The following PTDSS1 variants were observed in gnomAD, a reference collection of about 807,000 sequenced individuals.
PTDSS1 encodes phosphatidylserine synthase 1.
In PTDSS1, 45 loss-of-function variants were observed where a neutral mutation model predicts 70.5. That is an observed-to-expected ratio of 0.64 (90% confidence interval 0.50 to 0.82). The LOEUF is 0.82. Among genes scored for constraint, PTDSS1 ranks in the 40% least tolerant of loss-of-function variants. PTDSS1 has a pLI of 0.00. For missense variants in PTDSS1, 417 were observed against 586.1 expected (o/e 0.71, Z 2.98); for synonymous variants, 188 against 203.8 (o/e 0.92, Z 0.66).
chr8:96,302,022 TG>T (rs1239615222), intron 6 of PTDSS1, among the ~76,000 whole-genome samples: 4 of 152,132 alleles, frequency 2.6e-5, no homozygotes, highest in Non-Finnish European at 5.9e-5. Flanking sequence ...CTAATTTTTA[TG>T]TATTTGTTTT....
intron 4 of PTDSS1, among the ~76,000 whole-genome samples, chr8:96,291,452 C>CT (rs200644968): frequency 0.053 from 6,563 of 123,546 alleles, 317 homozygotes; most frequent in African/African-American, 0.14. Context: ...ATGGGCTTTT[C>CT]TTTTTTTTTT....
chr8:96,326,684 TGTA>T, intron 10 of PTDSS1, among the ~76,000 whole-genome samples: 1 of 152,306 alleles, frequency 6.6e-6, no homozygotes, highest in Non-Finnish European at 1.5e-5. Context: ...TTTGTGCGGC[TGTA>T]GTTGCAGCCC....
chr8:96,263,120 T>C (rs547753726), intron 1 of PTDSS1, among the ~76,000 whole-genome samples: 1 of 152,322 alleles, frequency 6.6e-6, no homozygotes, highest in East Asian at 1.9e-4. Context: ...ACAACTCTCT[T>C]ATTCCCTGGA....
intron 3 of PTDSS1, 57 bp from the exon 4 acceptor site, chr8:96,286,963 TTG>T: frequency 6.3e-7 from 1 of 1,599,224 alleles, no homozygotes; most frequent in Non-Finnish European, 8.6e-7. Context: ...CTAATGTGTA[TTG>T]TGTGTGTCTG....
chr8:96,281,983 C>T (rs548968336), intron 2 of PTDSS1, among the ~76,000 whole-genome samples: 1 of 152,274 alleles, frequency 6.6e-6, no homozygotes, highest in South Asian at 2.1e-4. Context: ...GTACTGCTGA[C>T]TCCTGTCGTT....
At chr8:96,266,369 C>G (rs1163520074) in intron 1 of PTDSS1, among the ~76,000 whole-genome samples, 2 of 152,230 alleles carry the variant, frequency 1.3e-5, no homozygotes, top group African/African-American at 2.4e-5. Flanking sequence ...GGGAAATGGA[C>G]AGACTGATTG....
At chr8:96,318,733 G>A (rs920999305) in intron 9 of PTDSS1, among the ~76,000 whole-genome samples, 1 of 152,048 alleles carries the variant, frequency 6.6e-6, no homozygotes, top group Non-Finnish European at 1.5e-5. Flanking sequence ...ACTCTCTAAA[G>A]ACAAATTGAG....
intron 3 of PTDSS1, 90 bp from the exon 4 acceptor site, chr8:96,286,932 T>G (rs1586190065): frequency 1.9e-4 from 282 of 1,506,740 alleles, no homozygotes; most frequent in African/African-American, 2.7e-5. Flanking sequence ...TAGTGTCTGG[T>G]TTTGGCAATG....
intron 9 of PTDSS1, among the ~76,000 whole-genome samples, chr8:96,312,367 T>C (rs770813168): frequency 5.3e-5 from 8 of 152,044 alleles, no homozygotes; most frequent in Non-Finnish European, 7.4e-5. Flanking sequence ...GGAGGATCAC[T>C]TGAACCCAGG....
rs111321433 is a variant in PTDSS1, at chr8:96,262,657, G to C, written c.179+438G>C. On this transcript the variant is annotated intron_variant, in intron 1 of 12. Transcript: ENST00000517309. This position sits in a 1 kb window ranked among gnomAD's most constrained non-coding sequence, Gnocchi z 4.4. ...CATACAAAGCACCCCAATCCACAGC[G>C]CCTGCAGGCACCATACACAGGCCCA... Among the ~76,000 whole-genome samples the C allele has an allele frequency of 6.6e-6, 1 of 152,092 alleles. No homozygotes were observed. Among genetic ancestry groups the C allele is most frequent in the Non-Finnish European group, 1.5e-5 (1 of 68,026 alleles).
intron 2 of PTDSS1, among the ~76,000 whole-genome samples, chr8:96,279,456 T>A (rs1383013815): frequency 3.2e-4 from 45 of 141,266 alleles, no homozygotes; most frequent in East Asian, 8.1e-4. Context: ...CTTCTAAATT[T>A]AAAAAAAAAA....
intron 10 of PTDSS1, among the ~76,000 whole-genome samples, chr8:96,323,595 C>T (rs1313655068): frequency 6.6e-6 from 1 of 152,200 alleles, no homozygotes; most frequent in Non-Finnish European, 1.5e-5. Context: ...AGTAGAGTCC[C>T]TAGGTAGCCC....
intron 10 of PTDSS1, among the ~76,000 whole-genome samples, chr8:96,323,108 G>T (rs1811394422): frequency 6.6e-6 from 1 of 152,234 alleles, no homozygotes; most frequent in African/African-American, 2.4e-5. Context: ...AATCTCCTTT[G>T]ACTTTATGTT....
intron 1 of PTDSS1, among the ~76,000 whole-genome samples, chr8:96,266,785 T>C (rs1250071242): frequency 6.6e-6 from 1 of 152,274 alleles, no homozygotes; most frequent in African/African-American, 2.4e-5. Context: ...AACATTTCTT[T>C]TCCCTGGTTA....
rs1810432535 is a variant in PTDSS1 at position 96,262,974 on chromosome 8, C to T, written c.179+755C>T. Among the ~76,000 whole-genome samples the T allele has an allele frequency of 6.6e-6, 1 of 152,218 alleles. No homozygotes were observed. Among genetic ancestry groups the T allele is most frequent in the Admixed American group, 6.5e-5 (1 of 15,288 alleles). ...GCACAGACACCAGCCCGCCACACAT[C>T]ACGCGGTGCATACCCTGCTCACTCA... is the stretch of plus-strand genomic sequence containing the variant. On this transcript the variant is annotated intron_variant, in intron 1 of 12. Coordinates refer to ENST00000517309, the MANE Select transcript of PTDSS1 (RefSeq NM_014754.3). This position sits in a 1 kb window ranked among gnomAD's most constrained non-coding sequence, Gnocchi z 4.4.
chr8:96,272,010 T>C (rs1361990034), intron 1 of PTDSS1, among the ~76,000 whole-genome samples: 3 of 152,222 alleles, frequency 2.0e-5, no homozygotes, highest in African/African-American at 7.2e-5. Flanking sequence ...TAGATTTTTT[T>C]ACTTTGTGAA....
chr8:96,272,230 T>C (rs961327512), intron 1 of PTDSS1, among the ~76,000 whole-genome samples: 5 of 152,190 alleles, frequency 3.3e-5, no homozygotes, highest in Admixed American at 1.3e-4. Context: ...CACTTCATGA[T>C]TGTTGATTGT....
intron 10 of PTDSS1, among the ~76,000 whole-genome samples, chr8:96,324,614 A>C (rs973446963): frequency 9.2e-5 from 14 of 152,170 alleles, no homozygotes; most frequent in African/African-American, 3.4e-4. Context: ...TGCCAAACTC[A>C]TCCTTTTTAT....
At chr8:96,320,856 G>A (rs984375184) in intron 10 of PTDSS1, among the ~76,000 whole-genome samples, 16 of 152,130 alleles carry the variant, frequency 1.1e-4, no homozygotes, top group African/African-American at 3.1e-4. Context: ...ATCACCTTCC[G>A]CTCTGAAGGG....
Sources: allele counts gnomAD v4.1 joint callset (sites outside exome capture counted in the v4.1 genomes callset), GRCh38; gene constraint gnomAD v4.1.1; non-coding constraint Gnocchi (gnomAD v3.1); transcripts MANE v1.5; gene names NCBI Gene and HGNC (gene_info 2026-07-23, HGNC 2026-07-21).